FBXO44: variants seen among roughly 807,000 people sequenced by gnomAD.
FBXO44 encodes the protein F-box protein 44.
Under a neutral mutation model 33.5 loss-of-function variants are expected in FBXO44, and 25 were observed. The ratio of observed to expected loss-of-function variants is 0.75; its 90% CI spans 0.54 to 1.04. FBXO44 has a LOEUF of 1.04. FBXO44 is among the 50% of genes least tolerant of loss of function. FBXO44 has a pLI of 0.00. For missense variants in FBXO44, 311 were observed against 344.0 expected (o/e 0.90, Z 0.76); for synonymous variants, 147 against 152.8 (o/e 0.96, Z 0.28).
At position 11,656,213 on chromosome 1, in the gene FBXO44, C is replaced by T. The variant is rs550781721; in HGVS notation, c.265+113C>T. On this transcript the variant is annotated intron_variant, in intron 2 of 5. Transcript: ENST00000251547. ...TTTGGATGGTTTAACACCTTTACTT[C>T]TCTCACAGTAACCCAAAGAGGTAGC... 8 of 1,409,100 alleles carry T rather than the reference C, an allele frequency of 5.7e-6. No individual in the cohort carries two copies. The East Asian group carries it at 1.9e-4, about 33-fold the overall frequency. The allele number at this position is 1,409,100 out of a possible 1,614,324, so 87.3% of individuals were successfully genotyped here.
At chr1:11,659,641 G>A (rs958220122) in intron 5 of FBXO44, among the ~76,000 whole-genome samples, 8 of 151,754 alleles carry the variant, frequency 5.3e-5, no homozygotes, top group African/African-American at 1.9e-4. Context: ...GAGTACAGGT[G>A]TGCACCACCA....
chr1:11,660,899 C>T (rs763525180), intron 5 of FBXO44, among the ~76,000 whole-genome samples: 5 of 152,274 alleles, frequency 3.3e-5, no homozygotes, highest in Admixed American at 3.3e-4. Context: ...GTACTCCTGC[C>T]TCAGCCTGCC....
rs901666743 is a variant in FBXO44 at position 11,662,069 on chromosome 1, G to A, written c.*796G>A. 1 of 152,206 alleles carries A rather than the reference G, an allele frequency of 6.6e-6. No individual in the cohort carries two copies. The highest frequency in any genetic ancestry group is 2.4e-5 in the African/African-American group (1 of 41,410). 9.4% of individuals were successfully genotyped at this position (152,206 alleles called of 1,614,324 possible). A position where few individuals can be genotyped will look rare whatever the true frequency, so the allele number is the denominator to read the frequency against. On this transcript the variant is annotated 3_prime_UTR_variant, in exon 6 of 6. Coordinates refer to ENST00000251547, the MANE Select transcript of FBXO44 (RefSeq NM_033182.7). ...TGAGCCCTGGATGAGTATGGTAGGG[G>A]GTTTGAAGAATCCCCTGTCCACCTC...
In FBXO44 at chr1:11,661,178, T is replaced by A. The variant is rs1640162338; in HGVS notation, c.673T>A (p.Phe225Ile). The change falls in exon 6 of 6, where the codon TTT becomes ATT. Residue 225 changes from phenylalanine (F) to isoleucine (I), a missense_variant. Physicochemically the swap from Phe to Ile is conservative, Grantham distance 21. Coordinates refer to ENST00000251547, the MANE Select transcript of FBXO44 (RefSeq NM_033182.7). The surrounding 1 kb of genome is among the most constrained non-coding windows in gnomAD (Gnocchi z 4.4). ...CCCGCCCGGCGTCCGCTACATCTGG[T>A]TTCAGCACGGCGGCGTGGACACTCA... is the stretch of plus-strand genomic sequence containing the variant. Reference protein sequence around the residue: ...NYPPGVRYIWFQHGGVDTHYW... With the variant: ...NYPPGVRYIWIQHGGVDTHYW... 1 of 1,613,966 alleles carries A rather than the reference T, an allele frequency of 6.2e-7. No homozygotes were observed. The highest frequency in any genetic ancestry group is 2.2e-5 in the East Asian group (1 of 44,862).
intron 1 of FBXO44, chr1:11,655,408 T>C (rs943241309): frequency 4.3e-5 from 8 of 184,808 alleles, no homozygotes; most frequent in South Asian, 3.3e-4. Flanking sequence ...ATAATTAGCC[T>C]CCTCCTCCCA....
chr1:11,657,391 A>G (rs1317427336), intron 2 of FBXO44, among the ~76,000 whole-genome samples: 1 of 152,210 alleles, frequency 6.6e-6, no homozygotes, highest in Non-Finnish European at 1.5e-5. Context: ...GAGTACTGGT[A>G]GAGCTGGGAC....
Position 11,661,108 on chromosome 1 carries a change from C to T in FBXO44, c.625-22C>T. 6.3e-7 allele frequency: 1 copy of T among 1,599,940 alleles called. No individual in the cohort carries two copies. Among genetic ancestry groups the T allele is most frequent in the Non-Finnish European group, 8.6e-7 (1 of 1,169,338 alleles). On this transcript the variant is annotated intron_variant, in intron 5 of 5. Transcript: ENST00000251547. The surrounding 1 kb of genome is among the most constrained non-coding windows in gnomAD (Gnocchi z 4.4). Reference sequence around the variant, plus strand: ...TGAGTCAGCTCCCTTGACCTTTCTCCCCCCTCTACCTGCCCTGCCAGGTCT... The same window carrying T: ...TGAGTCAGCTCCCTTGACCTTTCTCTCCCCTCTACCTGCCCTGCCAGGTCT...
At chr1:11,658,030 G>T (rs1639927233) in intron 2 of FBXO44, among the ~76,000 whole-genome samples, 1 of 152,196 alleles carries the variant, frequency 6.6e-6, no homozygotes, top group South Asian at 2.1e-4. Context: ...CATCACAGAA[G>T]AGGTCTGGTC....
In FBXO44 at chr1:11,662,837, T is replaced by C. The variant is rs1007110183; in HGVS notation, c.*1564T>C. 1.3e-5 allele frequency: 2 copies of C among 152,264 alleles called. No homozygotes were observed. The highest frequency in any genetic ancestry group is 2.1e-4 in the South Asian group (1 of 4,838). 9.4% of individuals were successfully genotyped at this position (152,264 alleles called of 1,614,324 possible). On this transcript the variant is annotated 3_prime_UTR_variant, in exon 6 of 6. Transcript: ENST00000251547. The stretch of plus-strand genomic sequence containing the variant: ...ATAGTGAGTGAGTTCTCACGAGATC[T>C]GATGGTTTTACAAGTGACGGTTTCC...
intron 2 of FBXO44, 26 bp from the exon 3 acceptor site, chr1:11,658,241 C>A: frequency 6.2e-7 from 1 of 1,612,122 alleles, no homozygotes; most frequent in Non-Finnish European, 8.5e-7. Context: ...GGCTTCCCTT[C>A]AGTGTGAACT....
rs751223261 is a variant in FBXO44 at position 11,661,258 on chromosome 1, G to GCC, written c.757_758dup (p.Leu254ArgfsTer7). The GCC allele has an allele frequency of 1.9e-6, 3 of 1,614,042 alleles. No homozygotes were observed. Among genetic ancestry groups the GCC allele is most frequent in the Non-Finnish European group, 2.5e-6 (3 of 1,179,994 alleles). ...TCACCAACAGCAGCATCACCATCGG[G>GCC]CCCCCGCTGCCCTGACACCCCCTGA... is the stretch of plus-strand genomic sequence containing the variant. On this transcript the variant is annotated frameshift_variant, in exon 6 of 6. Transcript: ENST00000251547. LOFTEE classifies it high-confidence loss of function. The surrounding 1 kb of genome is among the most constrained non-coding windows in gnomAD (Gnocchi z 4.4).
chr1:11,661,061 G>A lies in FBXO44; in HGVS notation c.625-69G>A. Reference sequence around the variant, plus strand: ...GCCTCCCAAAGTACTGGGATTCCCGGTGTGAGCCGCCACACCCAGCCTGAG... The same window carrying A: ...GCCTCCCAAAGTACTGGGATTCCCGATGTGAGCCGCCACACCCAGCCTGAG... On this transcript the variant is annotated intron_variant, in intron 5 of 5. Transcript: ENST00000251547. This position sits in a 1 kb window ranked among gnomAD's most constrained non-coding sequence, Gnocchi z 4.4. The A allele has an allele frequency of 2.7e-6, 4 of 1,501,090 alleles. No individual in the cohort carries two copies. Among genetic ancestry groups the A allele is most frequent in the Non-Finnish European group, 3.6e-6 (4 of 1,101,116 alleles). 93.0% of individuals were successfully genotyped at this position (1,501,090 alleles called of 1,614,324 possible).
At chr1:11,656,441 G>T in intron 2 of FBXO44, among the ~76,000 whole-genome samples, 1 of 149,696 alleles carries the variant, frequency 6.7e-6, no homozygotes, top group South Asian at 2.1e-4. Context: ...GGGATTACAG[G>T]CATGTGCCAC....
chr1:11,656,278 G>A (rs1639788841), intron 2 of FBXO44, among the ~76,000 whole-genome samples, 178 bp downstream of exon 2: 2 of 151,280 alleles, frequency 1.3e-5, no homozygotes, highest in South Asian at 2.1e-4. Flanking sequence ...GCAAACTGAG[G>A]CCAAGAGTGG....
In FBXO44 at chr1:11,655,895, C is replaced by A; in HGVS notation, c.60C>A (p.His20Gln). 1.2e-6 allele frequency: 2 copies of A among 1,613,948 alleles called. No homozygotes were observed. The highest frequency in any genetic ancestry group is 1.7e-6 in the Non-Finnish European group (2 of 1,180,032). ...ACATCCTGCTGGAGCTGTTCACGCA[C>A]GTGCCCGCCCGCCAGCTGCTGCTGA... ...PENILLELFT[H>Q]VPARQLLLNC... is the part of the protein sequence containing the mutation. The change falls in exon 2 of 6, where the codon CAC becomes CAA. Residue 20 changes from histidine (H) to glutamine (Q), a missense_variant. Coordinates refer to ENST00000251547, the MANE Select transcript of FBXO44 (RefSeq NM_033182.7).
intron 2 of FBXO44, among the ~76,000 whole-genome samples, chr1:11,657,015 C>T (rs1287152172): frequency 6.6e-6 from 1 of 152,172 alleles, no homozygotes; most frequent in East Asian, 1.9e-4. Context: ...AAGGCTTCCA[C>T]TGATCCTTGC....
At chr1:11,658,679 C>CACCCCCCCCCAGCCCCCCAAA in intron 4 of FBXO44, 51 bp downstream of exon 4, 1 of 1,603,824 alleles carries the variant, frequency 6.2e-7, no homozygotes, top group Non-Finnish European at 8.5e-7. Flanking sequence ...TCAGGCGCCC[C>CACCCCCCCCCAGCCCCCCAAA]ACCCCCGCCC....
At position 11,662,900 on chromosome 1, in the gene FBXO44, C is replaced by G. The variant is rs1473714723; in HGVS notation, c.*1627C>G. 6.6e-6 allele frequency: 1 copy of G among 151,940 alleles called. No homozygotes were observed. Among genetic ancestry groups the G allele is most frequent in the Non-Finnish European group, 1.5e-5 (1 of 68,044 alleles). 9.4% of individuals were successfully genotyped at this position (151,940 alleles called of 1,614,324 possible). On this transcript the variant is annotated 3_prime_UTR_variant, in exon 6 of 6. Transcript: ENST00000251547. Reference sequence around the variant, plus strand: ...TGCCGCCATGTGAAGAAGGTCGTTGCTTCCCCTTCACCTTCCACCACCATG... The same window carrying G: ...TGCCGCCATGTGAAGAAGGTCGTTGGTTCCCCTTCACCTTCCACCACCATG...
chr1:11,662,372 TTCTG>T lies in FBXO44; in HGVS notation c.*1103_*1106del, dbSNP rs1326286709. On this transcript the variant is annotated 3_prime_UTR_variant, in exon 6 of 6. Coordinates refer to ENST00000251547, the MANE Select transcript of FBXO44 (RefSeq NM_033182.7). The stretch of plus-strand genomic sequence containing the variant: ...CCTGCAGATGGTACAATGGCATGGC[TTCTG>T]TCTAAGGTACAGAGGGGTTGGCATT... The T allele has an allele frequency of 6.6e-6, 1 of 152,274 alleles. No homozygotes were observed. Among genetic ancestry groups the T allele is most frequent in the Non-Finnish European group, 1.5e-5 (1 of 68,066 alleles). The allele number at this position is 152,274 out of a possible 1,614,324, so 9.4% of individuals were successfully genotyped here.
Sources: allele counts gnomAD v4.1 joint callset (sites outside exome capture counted in the v4.1 genomes callset), GRCh38; gene constraint gnomAD v4.1.1; non-coding constraint Gnocchi (gnomAD v3.1); transcripts MANE v1.5; gene names NCBI Gene and HGNC (gene_info 2026-07-23, HGNC 2026-07-21).